Variants in OXR1 observed in about 807,000 individuals in gnomAD.
OXR1 encodes oxidation resistance protein 1.
In OXR1, 41 loss-of-function variants were observed where a neutral mutation model predicts 104.6. The observed-to-expected ratio is 0.39, with a 90% CI of 0.31 to 0.51. OXR1 has a LOEUF of 0.51. Among genes scored for constraint, OXR1 ranks in the 20% least tolerant of loss-of-function variants. The pLI is 0.77. For missense variants in OXR1, 955 were observed against 1,031.9 expected, an observed-to-expected ratio of 0.93 and a Z score of 1.02; for synonymous variants, 348 against 348.4, an observed-to-expected ratio of 1.00 and a Z score of 0.01.
chr8:106,569,463 A>G (rs1354704533), intron 3 of OXR1, among the ~76,000 whole-genome samples: 2 of 152,096 alleles, frequency 1.3e-5, no homozygotes, highest in African/African-American at 2.4e-5. Flanking sequence ...TAAAAAACAC[A>G]TTTAAAAAGC....
chr8:106,278,475 G>A (rs891247570), intron 1 of OXR1, among the ~76,000 whole-genome samples: 1 of 150,728 alleles, frequency 6.6e-6, no homozygotes, highest in East Asian at 1.9e-4. Context: ...TACAAACATG[G>A]GCAACTAAAA....
intron 2 of OXR1, among the ~76,000 whole-genome samples, chr8:106,435,664 G>A (rs1325454239): frequency 2.0e-5 from 3 of 152,120 alleles, no homozygotes; most frequent in Admixed American, 6.5e-5. Flanking sequence ...AAGTGGGTAC[G>A]TTTTGACGTG....
intron 1 of OXR1, among the ~76,000 whole-genome samples, chr8:106,338,767 C>G (rs1815070950): frequency 6.6e-6 from 1 of 152,092 alleles, no homozygotes; most frequent in African/African-American, 2.4e-5. Context: ...TTTGACATAT[C>G]CTAAGCCATC....
Position 106,723,334 on chromosome 8 carries a change from A to G in OXR1, c.1956+9349A>G, listed in dbSNP as rs973754727. Among the ~76,000 whole-genome samples, 54 of 152,022 alleles carry G rather than the reference A, an allele frequency of 3.6e-4. 1 individual carries two copies. The highest frequency in any genetic ancestry group is 1.6e-4 in the Non-Finnish European group (11 of 67,960). On this transcript the variant is annotated intron_variant, in intron 11 of 16. Coordinates refer to ENST00000517566, the MANE Select transcript of OXR1 (RefSeq NM_001198533.2). ...GTGAAACCCCGTCTCTACTAAAAAT[A>G]TAAAATAAAATACAATAGCCAGGTG...
Position 106,581,278 on chromosome 8 carries a change from A to AT in OXR1, c.220+62148dup, listed in dbSNP as rs746453045. The stretch of plus-strand genomic sequence containing the variant: ...TAAGTTTCTGAAATCATGCCTTTCT[A>AT]TTTTTTTTTAATTTTTCATTTGCCT... On this transcript the variant is annotated intron_variant, in intron 3 of 16. Transcript: ENST00000517566. 779 of 1,259,762 alleles carry AT rather than the reference A, an allele frequency of 6.2e-4. 1 individual carries two copies. The highest frequency in any genetic ancestry group is 6.1e-4 in the Non-Finnish European group (584 of 965,100). 78.0% of individuals were successfully genotyped at this position (1,259,762 alleles called of 1,614,324 possible). A position where few individuals can be genotyped will look rare whatever the true frequency, so the allele number is the denominator to read the frequency against.
intron 2 of OXR1, among the ~76,000 whole-genome samples, chr8:106,483,011 T>A (rs543840257): frequency 6.6e-6 from 1 of 152,130 alleles, no homozygotes; most frequent in East Asian, 1.9e-4. Flanking sequence ...TCAGGCAATA[T>A]CCTAGGTCAC....
chr8:106,741,231 G>C (rs1313638476), intron 14 of OXR1, among the ~76,000 whole-genome samples: 1 of 152,130 alleles, frequency 6.6e-6, no homozygotes, highest in Non-Finnish European at 1.5e-5. Context: ...TGGCATAAAT[G>C]AATGTCACAA....
At chr8:106,404,049 G>A (rs1156301213) in intron 2 of OXR1, among the ~76,000 whole-genome samples, 1 of 152,150 alleles carries the variant, frequency 6.6e-6, no homozygotes, top group Non-Finnish European at 1.5e-5. Flanking sequence ...GCAATGCAGG[G>A]TTAATCCCCT....
At chr8:106,339,522 A>T (rs1380296870) in intron 1 of OXR1, among the ~76,000 whole-genome samples, 11 of 19,294 alleles carry the variant, frequency 5.7e-4, no homozygotes, top group Admixed American at 9.1e-4. Context: ...AAAAAAAAAT[A>T]TATATATATA....
chr8:106,647,648 C>A (rs1824195574), intron 3 of OXR1, among the ~76,000 whole-genome samples: 1 of 152,182 alleles, frequency 6.6e-6, no homozygotes, highest in Non-Finnish European at 1.5e-5. Context: ...AGTTTAGTGT[C>A]AGATTGTCAG....
intron 2 of OXR1, among the ~76,000 whole-genome samples, chr8:106,430,464 A>G (rs1819318544): frequency 6.6e-6 from 1 of 152,206 alleles, no homozygotes; most frequent in Admixed American, 6.5e-5. Context: ...TGATTTTATA[A>G]TCCTGAGAAT....
At chr8:106,302,581 G>C (rs1295710859) in intron 1 of OXR1, among the ~76,000 whole-genome samples, 1 of 90,794 alleles carries the variant, frequency 1.1e-5, no homozygotes, top group Non-Finnish European at 2.0e-5. Context: ...GCAAGATGCT[G>C]TCTCAAAAAA....
At position 106,537,108 on chromosome 8, in the gene OXR1, C is replaced by T. The variant is rs547474917; in HGVS notation, c.220+17969C>T. Among the ~76,000 whole-genome samples the T allele has an allele frequency of 4.6e-5, 7 of 152,076 alleles. No homozygotes were observed. In the South Asian group the frequency reaches 1.2e-3, roughly 27 times the overall value. On this transcript the variant is annotated intron_variant, in intron 3 of 16. Coordinates refer to ENST00000517566, the MANE Select transcript of OXR1 (RefSeq NM_001198533.2). ...CAGATGGCCATCTTCTCCTTGTATCCTCATGTCTTTATAGGGCATTAATTC... is the reference window on the plus strand; with the variant it reads ...CAGATGGCCATCTTCTCCTTGTATCTTCATGTCTTTATAGGGCATTAATTC...
intron 2 of OXR1, among the ~76,000 whole-genome samples, chr8:106,444,143 T>A (rs1468446668): frequency 6.6e-6 from 1 of 152,156 alleles, no homozygotes; most frequent in Non-Finnish European, 1.5e-5. Flanking sequence ...CACGATGAGA[T>A]ACCATCTCAT....
At chr8:106,531,951 C>T (rs935091392) in intron 3 of OXR1, among the ~76,000 whole-genome samples, 8 of 152,164 alleles carry the variant, frequency 5.3e-5, no homozygotes, top group African/African-American at 1.7e-4. Flanking sequence ...TCTCTCCATG[C>T]TTTCTTCTTT....
intron 2 of OXR1, among the ~76,000 whole-genome samples, chr8:106,476,858 T>C (rs941249436): frequency 2.0e-5 from 3 of 152,044 alleles, no homozygotes; most frequent in African/African-American, 7.2e-5. Context: ...TTTCTTTTTC[T>C]GGAATCCTAT....
At chr8:106,358,929 T>C (rs1816109633) in intron 1 of OXR1, among the ~76,000 whole-genome samples, 1 of 152,164 alleles carries the variant, frequency 6.6e-6, no homozygotes, top group Non-Finnish European at 1.5e-5. Flanking sequence ...CACTAAATAA[T>C]TTAGTGAATA....
intron 2 of OXR1, among the ~76,000 whole-genome samples, chr8:106,501,386 G>A (rs1208466721): frequency 1.3e-5 from 2 of 152,186 alleles, no homozygotes; most frequent in Admixed American, 1.3e-4. Context: ...GTAGGCAGGG[G>A]CCAGGTTATA....
chr8:106,615,437 A>C (rs565525271), intron 3 of OXR1, among the ~76,000 whole-genome samples: 1 of 151,948 alleles, frequency 6.6e-6, no homozygotes, highest in South Asian at 2.1e-4. Context: ...GTCTCAAAAA[A>C]AAAAAGAAAA....
Sources: gnomAD v4.1 joint callset for allele counts (sites outside exome capture counted in the v4.1 genomes callset) on GRCh38, gnomAD v4.1.1 for gene constraint, MANE v1.5 for transcripts, NCBI Gene and HGNC (gene_info 2026-07-23, HGNC 2026-07-21) for gene names.